COLQ: variants seen among roughly 807,000 people sequenced by gnomAD.
COLQ encodes the protein collagen like tail subunit of asymmetric acetylcholinesterase.
A neutral mutation model predicts 69.0 loss-of-function variants in COLQ; 48 were observed. That is an observed-to-expected ratio of 0.70 (90% confidence interval 0.55 to 0.88). The LOEUF (loss-of-function observed/expected upper bound fraction) is 0.88, where lower values mean the gene tolerates loss of function less well. Among genes scored for constraint, COLQ ranks in the 40% least tolerant of loss-of-function variants. The pLI, the probability that COLQ is intolerant of heterozygous loss-of-function variation, is 0.00. For missense variants in COLQ, 618 were observed against 594.6 expected, an observed-to-expected ratio of 1.04 and a Z score of -0.41; for synonymous variants, 217 against 211.2, an observed-to-expected ratio of 1.03 and a Z score of -0.24.
At chr3:15,519,925 C>T (rs2063113622) in intron 1 of COLQ, among the ~76,000 whole-genome samples, 1 of 152,204 alleles carries the variant, frequency 6.6e-6, no homozygotes, top group South Asian at 2.1e-4. Flanking sequence ...ATGTGCCAGG[C>T]ACTGTTCTGA....
intron 1 of COLQ, among the ~76,000 whole-genome samples, chr3:15,504,983 G>T (rs1378412460): frequency 2.0e-5 from 3 of 152,224 alleles, no homozygotes; most frequent in Non-Finnish European, 4.4e-5. Context: ...GGACATATTG[G>T]TGTTCCCTGA....
intron 12 of COLQ, among the ~76,000 whole-genome samples, chr3:15,464,141 G>T (rs1335688900): frequency 1.3e-5 from 2 of 151,932 alleles, no homozygotes; most frequent in African/African-American, 2.4e-5. Context: ...AGGAAGGAGG[G>T]GTCAGGGATG....
chr3:15,473,359 T>C lies in COLQ; in HGVS notation c.636+641A>G, dbSNP rs1435623840. 6.6e-6 allele frequency among the ~76,000 whole-genome samples: 1 copy of C among 152,142 alleles called. No individual in the cohort carries two copies. The highest frequency in any genetic ancestry group is 1.9e-4 in the East Asian group (1 of 5,196). ...TCTTGGTAGAAATGGGATTTCACCATGTTGCCCAGGCTAGTCTCGAACTCC... is the reference window on the plus strand; with the variant it reads ...TCTTGGTAGAAATGGGATTTCACCACGTTGCCCAGGCTAGTCTCGAACTCC... On this transcript the variant is annotated intron_variant, in intron 10 of 16. Coordinates refer to ENST00000383788, the MANE Select transcript of COLQ (RefSeq NM_005677.4). This position sits in a 1 kb window ranked among gnomAD's most constrained non-coding sequence, Gnocchi z 4.0.
chr3:15,488,217 G>A lies in COLQ; in HGVS notation c.310C>T (p.Pro104Ser). 6.2e-7 allele frequency: 1 copy of A among 1,611,856 alleles called. No individual in the cohort carries two copies. Among genetic ancestry groups the A allele is most frequent in the East Asian group, 2.2e-5 (1 of 44,888 alleles). The change falls in exon 3 of 17, where the codon CCC becomes TCC. Residue 104 changes from proline to serine, a missense_variant. Transcript: ENST00000383788. ...MQGSLGSPGP[P>S]GPQGPPGLPG... ...TAGAGTGCACCAACCTGGGGGCCGG[G>A]AGGCCCAGGGGAGCCTAGCGAGCCT...
chr3:15,509,278 G>A (rs557768283), intron 1 of COLQ, among the ~76,000 whole-genome samples: 1 of 152,340 alleles, frequency 6.6e-6, no homozygotes, highest in South Asian at 2.1e-4. Context: ...AAGCATGCAA[G>A]ACAGATGCCA....
intron 6 of COLQ, 55 bp downstream of exon 6, chr3:15,477,071 T>C (rs1018645246): frequency 2.0e-6 from 3 of 1,495,434 alleles, no homozygotes; most frequent in Non-Finnish European, 1.8e-6. Context: ...AAAGCTGCCA[T>C]CTTCCCCCCT....
In COLQ at chr3:15,469,262, G is replaced by C. The variant is rs2062245911; in HGVS notation, c.717+1274C>G. Among the ~76,000 whole-genome samples the C allele has an allele frequency of 4.6e-5, 7 of 152,246 alleles. No individual in the cohort carries two copies. The South Asian group carries it at 1.5e-3, about 32-fold the overall frequency. On this transcript the variant is annotated intron_variant, in intron 11 of 16. Transcript: ENST00000383788. ...TCAAGAAATGGCCTTCCTGGCTTTG[G>C]TTATCGCCAGGAACTAGGAAAAGGC...
At position 15,488,313 on chromosome 3, in the gene COLQ, G is replaced by A; in HGVS notation, c.220-6C>T. On this transcript the variant is annotated splice_region_variant and splice_polypyrimidine_tract_variant and intron_variant, in intron 2 of 16. Transcript: ENST00000383788. Reference sequence around the variant, plus strand: ...TTCATGTCTGGGGAGAGAAGCTTCAGTACAAAGCAACACAGAGTTAGAGGT... The same window carrying A: ...TTCATGTCTGGGGAGAGAAGCTTCAATACAAAGCAACACAGAGTTAGAGGT... 6.2e-7 allele frequency: 1 copy of A among 1,612,256 alleles called. No individual in the cohort carries two copies. Among genetic ancestry groups the A allele is most frequent in the Non-Finnish European group, 8.5e-7 (1 of 1,179,290 alleles).
intron 1 of COLQ, among the ~76,000 whole-genome samples, chr3:15,519,607 C>A (rs2063108405): frequency 6.6e-6 from 1 of 152,190 alleles, no homozygotes; most frequent in Non-Finnish European, 1.5e-5. Flanking sequence ...TAACCCCGCC[C>A]ACACCTCTCA....
intron 3 of COLQ, among the ~76,000 whole-genome samples, chr3:15,482,404 G>C (rs747078708): frequency 2.2e-4 from 33 of 152,196 alleles, no homozygotes; most frequent in Non-Finnish European, 4.1e-4. Context: ...AGTTTATTGA[G>C]AGTTTTTAGC....
At chr3:15,513,044 T>C (rs1230678298) in intron 1 of COLQ, among the ~76,000 whole-genome samples, 3 of 152,252 alleles carry the variant, frequency 2.0e-5, no homozygotes, top group Admixed American at 6.5e-5. Context: ...GTTCCTTTCT[T>C]CTTTAGTAAA....
At chr3:15,513,463 G>C (rs116713976) in intron 1 of COLQ, among the ~76,000 whole-genome samples, 104 of 152,278 alleles carry the variant, frequency 6.8e-4, no homozygotes, top group South Asian at 2.1e-3. Flanking sequence ...AGGAAGAAGA[G>C]AGTGGTGAAA....
chr3:15,468,851 G>A (rs1433869543), intron 11 of COLQ, among the ~76,000 whole-genome samples: 7 of 152,140 alleles, frequency 4.6e-5, no homozygotes, highest in Admixed American at 4.6e-4. Flanking sequence ...AGAATAACCT[G>A]AGGAGACTGG....
At chr3:15,478,813 G>C in intron 5 of COLQ, 164 bp downstream of exon 5, 1 of 817,420 alleles carries the variant, frequency 1.2e-6, no homozygotes, top group East Asian at 2.6e-5. Context: ...TTGACAGAAA[G>C]GGCAAGGTTA....
chr3:15,480,879 TG>T (rs1282191901), intron 3 of COLQ, among the ~76,000 whole-genome samples: 1 of 152,258 alleles, frequency 6.6e-6, no homozygotes, highest in Non-Finnish European at 1.5e-5. Flanking sequence ...CCATTCTAAC[TG>T]GTGTGAGATA....
chr3:15,485,672 C>T (rs928557040), intron 3 of COLQ, among the ~76,000 whole-genome samples: 1 of 152,182 alleles, frequency 6.6e-6, no homozygotes, highest in African/African-American at 2.4e-5. Flanking sequence ...AAATAACAAC[C>T]TCAGGCTGGG....
chr3:15,482,543 C>T (rs2062505907), intron 3 of COLQ, among the ~76,000 whole-genome samples: 1 of 152,198 alleles, frequency 6.6e-6, no homozygotes, highest in Admixed American at 6.5e-5. Context: ...ACCAGCCTTG[C>T]ATCCCAGGGA....
intron 1 of COLQ, among the ~76,000 whole-genome samples, chr3:15,492,106 T>C (rs1389186575): frequency 6.6e-6 from 1 of 151,892 alleles, no homozygotes; most frequent in Non-Finnish European, 1.5e-5. Context: ...AACATTTTGA[T>C]TATAAGTGGT....
intron 13 of COLQ, 111 bp downstream of exon 13, chr3:15,458,075 A>G: frequency 8.4e-7 from 1 of 1,185,160 alleles, no homozygotes; most frequent in Non-Finnish European, 1.3e-6. Flanking sequence ...GGGTGTACTC[A>G]GAGTCGTGAA....
Sources: gnomAD v4.1 joint callset for allele counts (sites outside exome capture counted in the v4.1 genomes callset) on GRCh38, gnomAD v4.1.1 for gene constraint, Gnocchi (gnomAD v3.1) non-coding constraint, MANE v1.5 for transcripts, NCBI Gene and HGNC (gene_info 2026-07-23, HGNC 2026-07-21) for gene names.